CENPP: variants seen among roughly 807,000 people sequenced by gnomAD.
CENPP encodes centromere protein P.
In CENPP, 24 loss-of-function variants were observed where a neutral mutation model predicts 35.6. The observed-to-expected ratio is 0.67, with a 90% CI of 0.49 to 0.95. The LOEUF (loss-of-function observed/expected upper bound fraction) is 0.95, where lower values mean the gene tolerates loss of function less well. Ranked by LOEUF, CENPP falls within the 40% of genes least tolerant of loss-of-function variation. CENPP has a pLI of 0.00. For missense variants in CENPP, 332 were observed against 345.3 expected (o/e 0.96, Z 0.31); for synonymous variants, 120 against 125.5 (o/e 0.96, Z 0.29).
chr9:92,516,402 A>G (rs72754429), intron 5 of CENPP, among the ~76,000 whole-genome samples: 6,054 of 152,266 alleles, frequency 0.04, 185 homozygotes, highest in South Asian at 0.098. Context: ...TTAAAAATTT[A>G]CTTAATCATC....
chr9:92,386,661 T>A (rs1243803419), intron 5 of CENPP, among the ~76,000 whole-genome samples: 2 of 152,204 alleles, frequency 1.3e-5, no homozygotes, highest in Admixed American at 1.3e-4. Context: ...TTGACCCTGG[T>A]GCTGCCATAA....
chr9:92,512,001 A>G (rs762919894), intron 5 of CENPP: 2 of 1,587,360 alleles, frequency 1.3e-6, no homozygotes, highest in African/African-American at 2.7e-5. Flanking sequence ...AAATCAGAGC[A>G]TGTATTTACC....
intron 5 of CENPP, chr9:92,494,000 G>A: frequency 7.1e-7 from 1 of 1,415,504 alleles, no homozygotes; most frequent in Non-Finnish European, 9.8e-7. Context: ...AGGCCCCAGT[G>A]TGCTCGTCGC....
At chr9:92,498,806 T>C (rs1369400612) in intron 5 of CENPP, among the ~76,000 whole-genome samples, 1 of 152,214 alleles carries the variant, frequency 6.6e-6, no homozygotes, top group Non-Finnish European at 1.5e-5. Flanking sequence ...TCATCCAAGT[T>C]AATATTGTTG....
intron 5 of CENPP, among the ~76,000 whole-genome samples, chr9:92,514,166 T>A (rs1057429067): frequency 6.6e-6 from 1 of 151,450 alleles, no homozygotes; most frequent in Non-Finnish European, 1.5e-5. Context: ...CTCGCTCTGT[T>A]GCCTAGACTA....
intron 4 of CENPP, among the ~76,000 whole-genome samples, chr9:92,356,999 C>A (rs1259033677): frequency 3.3e-5 from 5 of 152,056 alleles, no homozygotes; most frequent in Non-Finnish European, 5.9e-5. Context: ...CTTTAAAATG[C>A]ATTAGTTTTT....
Position 92,379,762 on chromosome 9 carries a change from G to T in CENPP, c.468-1G>T. The T allele has an allele frequency of 1.3e-6, 2 of 1,597,268 alleles. No individual in the cohort carries two copies. Among genetic ancestry groups the T allele is most frequent in the South Asian group, 2.2e-5 (2 of 90,672 alleles). On this transcript the variant is annotated splice_acceptor_variant, in intron 4 of 7. Transcript: ENST00000375587. LOFTEE classifies it high-confidence loss of function. ...AATCAGAGAATCATTTATTCCTACA[G>T]AGCAGAAGAGAGAAAAGATCTGTTC... is the stretch of plus-strand genomic sequence containing the variant.
chr9:92,415,393 A>C (rs1241911943), intron 5 of CENPP: 1 of 1,613,584 alleles, frequency 6.2e-7, no homozygotes, highest in Non-Finnish European at 8.5e-7. Flanking sequence ...TGGTTCTTTT[A>C]GTTTATTTTG....
intron 5 of CENPP, among the ~76,000 whole-genome samples, chr9:92,543,688 A>C (rs1191482194): frequency 6.6e-6 from 1 of 152,092 alleles, no homozygotes; most frequent in Non-Finnish European, 1.5e-5. Flanking sequence ...TGAACAAGAG[A>C]TATCTTTTCA....
At chr9:92,466,635 G>T in intron 5 of CENPP, 1 of 1,342,542 alleles carries the variant, frequency 7.4e-7, no homozygotes, top group Non-Finnish European at 1.1e-6. Context: ...GTATTCTACA[G>T]TGATTAGCCA....
At chr9:92,392,997 G>A (rs1227046552) in intron 5 of CENPP, 7 of 1,016,872 alleles carry the variant, frequency 6.9e-6, no homozygotes, top group Non-Finnish European at 1.0e-5. Context: ...ACCTGAATGT[G>A]ATAGGCAGCA....
intron 5 of CENPP, among the ~76,000 whole-genome samples, chr9:92,482,796 AG>A (rs1334355221): frequency 6.6e-6 from 1 of 152,244 alleles, no homozygotes; most frequent in Non-Finnish European, 1.5e-5. Context: ...ATCTGAATAA[AG>A]GATACCAACA....
intron 5 of CENPP, among the ~76,000 whole-genome samples, chr9:92,607,887 C>G (rs553040084): frequency 4.6e-5 from 7 of 152,338 alleles, no homozygotes; most frequent in African/African-American, 1.7e-4. Context: ...TGCCAACATT[C>G]TTACAGCCAT....
intron 2 of CENPP, 97 bp downstream of exon 2, chr9:92,332,448 TAAG>T: frequency 2.3e-6 from 2 of 854,798 alleles, no homozygotes; most frequent in South Asian, 4.7e-5. Context: ...TTCTACAAGG[TAAG>T]TATTTGAAAG....
At chr9:92,580,126 C>T (rs928139913) in intron 5 of CENPP, among the ~76,000 whole-genome samples, 8 of 152,108 alleles carry the variant, frequency 5.3e-5, no homozygotes, top group African/African-American at 1.9e-4. Flanking sequence ...TTGTATTGAA[C>T]CAGCCTTGCA....
intron 5 of CENPP, chr9:92,417,535 A>G (rs1458125984): frequency 6.3e-7 from 1 of 1,597,646 alleles, no homozygotes; most frequent in Admixed American, 1.8e-5. Flanking sequence ...AGAAAATAAC[A>G]TATATTGGAC....
chr9:92,462,821 A>G (rs1213082428), intron 5 of CENPP, among the ~76,000 whole-genome samples: 1 of 152,208 alleles, frequency 6.6e-6, no homozygotes, highest in Admixed American at 6.5e-5. Flanking sequence ...TCTGTCCTCA[A>G]AGACATTATT....
intron 5 of CENPP, among the ~76,000 whole-genome samples, chr9:92,547,262 G>T (rs1490364534): frequency 1.3e-5 from 2 of 152,186 alleles, no homozygotes; most frequent in African/African-American, 4.8e-5. Context: ...TAGTCTGACA[G>T]ATTATCTACA....
intron 5 of CENPP, among the ~76,000 whole-genome samples, chr9:92,526,676 A>T (rs1050067434): frequency 7.9e-5 from 12 of 152,002 alleles, no homozygotes; most frequent in Non-Finnish European, 1.6e-4. Context: ...ACAAAGAAAA[A>T]AAAGAGGAAT....
Sources: allele counts gnomAD v4.1 joint callset (sites outside exome capture counted in the v4.1 genomes callset), GRCh38; gene constraint gnomAD v4.1.1; transcripts MANE v1.5; gene names NCBI Gene and HGNC (gene_info 2026-07-23, HGNC 2026-07-21).